The following ERBB4 variants were observed in gnomAD, a reference collection of about 807,000 sequenced individuals.
ERBB4 encodes receptor tyrosine-protein kinase erbB-4.
In ERBB4, 42 loss-of-function variants were observed where a neutral mutation model predicts 158.0. That is an observed-to-expected ratio of 0.27 (90% CI 0.21 to 0.34). ERBB4 has a LOEUF of 0.34. Among genes scored for constraint, ERBB4 ranks in the 10% least tolerant of loss-of-function variants. The probability of loss-of-function intolerance (pLI) is 1.00; values close to 1 mark genes in which losing one functional copy is unlikely to be tolerated. For synonymous variants in ERBB4, 583 were observed against 558.7 expected (o/e 1.04, Z -0.61); for missense variants, 1,333 against 1,624.1 (o/e 0.82, Z 3.08).
chr2:211,616,354 A>G (rs567023231), intron 19 of ERBB4, among the ~76,000 whole-genome samples: 8 of 152,002 alleles, frequency 5.3e-5, no homozygotes, highest in Non-Finnish European at 1.2e-4. Flanking sequence ...TGAGTCCTTC[A>G]CCTCCAAAAT....
intron 3 of ERBB4, among the ~76,000 whole-genome samples, chr2:211,826,835 A>G (rs1229323322): frequency 6.6e-6 from 1 of 152,084 alleles, no homozygotes; most frequent in East Asian, 1.9e-4. Context: ...AAACATTTTA[A>G]TGACATATTT....
intron 25 of ERBB4, among the ~76,000 whole-genome samples, chr2:211,405,202 C>T (rs894314561): frequency 1.3e-5 from 2 of 152,058 alleles, no homozygotes; most frequent in Admixed American, 1.3e-4. Flanking sequence ...CCGTGATATG[C>T]TATGTTGCCA....
chr2:212,464,921 CA>C (rs1688754589), intron 1 of ERBB4, among the ~76,000 whole-genome samples: 1 of 151,786 alleles, frequency 6.6e-6, no homozygotes, highest in Non-Finnish European at 1.5e-5. Flanking sequence ...CACACACACA[CA>C]CACACCCCTT....
At chr2:212,413,233 G>A (rs1255486613) in intron 1 of ERBB4, among the ~76,000 whole-genome samples, 4 of 143,280 alleles carry the variant, frequency 2.8e-5, no homozygotes, top group African/African-American at 2.6e-5. Flanking sequence ...TGATCCGCCC[G>A]ACTCGGCCTC....
intron 1 of ERBB4, among the ~76,000 whole-genome samples, chr2:212,493,718 C>T (rs1349293541): frequency 1.3e-5 from 2 of 151,704 alleles, no homozygotes; most frequent in African/African-American, 4.8e-5. Context: ...TGTGCTAACA[C>T]TCATTAAATT....
rs1445833357 is a variant in ERBB4, at chr2:212,530,948, C to T, written c.82+7501G>A. ...ATGAAATATATTATAAATCTTCAAT[C>T]GGTCTTGAGTCCTTTTAATTTAACT... On this transcript the variant is annotated intron_variant, in intron 1 of 27. Transcript: ENST00000342788. Among the ~76,000 whole-genome samples, 4 of 152,184 alleles carry T rather than the reference C, an allele frequency of 2.6e-5. No homozygotes were observed. In the East Asian group the frequency reaches 7.7e-4, roughly 29 times the overall value.
chr2:211,938,107 C>T (rs2080378763), intron 3 of ERBB4, among the ~76,000 whole-genome samples: 1 of 152,100 alleles, frequency 6.6e-6, no homozygotes, highest in South Asian at 2.1e-4. Context: ...GCCTAATATG[C>T]TTTCAATAAT....
chr2:212,229,696 T>C (rs564317767), intron 1 of ERBB4, among the ~76,000 whole-genome samples: 2 of 152,250 alleles, frequency 1.3e-5, no homozygotes, highest in African/African-American at 2.4e-5. Flanking sequence ...ATCCAGGTGA[T>C]AAATAATGAG....
At chr2:211,627,239 T>C (rs1367254247) in intron 17 of ERBB4, among the ~76,000 whole-genome samples, 3 of 152,218 alleles carry the variant, frequency 2.0e-5, no homozygotes, top group African/African-American at 7.2e-5. Context: ...GAATTCTCTC[T>C]GCCTCCAGCA....
intron 3 of ERBB4, among the ~76,000 whole-genome samples, chr2:211,801,698 A>G (rs2076501489): frequency 6.6e-6 from 1 of 152,198 alleles, no homozygotes; most frequent in South Asian, 2.1e-4. Context: ...AAGAGAAAAT[A>G]TTTTTAGAAG....
At chr2:211,949,428 A>G (rs2080811799) in intron 2 of ERBB4, among the ~76,000 whole-genome samples, 1 of 152,224 alleles carries the variant, frequency 6.6e-6, no homozygotes, top group Non-Finnish European at 1.5e-5. Flanking sequence ...GCATAAATTT[A>G]GATGTGCTGT....
At chr2:211,579,331 C>A (rs1574793609) in intron 19 of ERBB4, among the ~76,000 whole-genome samples, 1 of 152,104 alleles carries the variant, frequency 6.6e-6, no homozygotes, top group Non-Finnish European at 1.5e-5. Context: ...GATATAGGAA[C>A]ACTTTTACAC....
rs187143830 is a variant in ERBB4 at position 212,262,934 on chromosome 2, G to C, written c.83-138031C>G. ...ATGTTCATTTGCAGTTATTTGTATT[G>C]GGTTGAAGATTGTCCCCTCAAATTC... is the stretch of plus-strand genomic sequence containing the variant. On this transcript the variant is annotated intron_variant, in intron 1 of 27. Transcript: ENST00000342788. Among the ~76,000 whole-genome samples the C allele has an allele frequency of 7.2e-5, 11 of 152,164 alleles. No homozygotes were observed. The East Asian group carries it at 1.7e-3, about 24-fold the overall frequency.
intron 5 of ERBB4, among the ~76,000 whole-genome samples, chr2:211,748,210 A>G (rs1008163633): frequency 5.9e-5 from 9 of 152,002 alleles, no homozygotes; most frequent in Admixed American, 5.2e-4. Flanking sequence ...TGTAATCTGT[A>G]AAAATACACA....
intron 3 of ERBB4, among the ~76,000 whole-genome samples, chr2:211,942,307 T>A (rs1232386591): frequency 6.6e-6 from 1 of 151,948 alleles, no homozygotes; most frequent in African/African-American, 2.4e-5. Context: ...AACATTTACA[T>A]GTTGTAGTTT....
At chr2:212,378,758 C>T (rs930605314) in intron 1 of ERBB4, among the ~76,000 whole-genome samples, 1 of 151,842 alleles carries the variant, frequency 6.6e-6, no homozygotes, top group Admixed American at 6.6e-5. Context: ...ACATGGTCTA[C>T]ACCAGATCAA....
intron 1 of ERBB4, among the ~76,000 whole-genome samples, chr2:212,204,590 G>A (rs965235572): frequency 1.3e-5 from 2 of 151,576 alleles, no homozygotes; most frequent in African/African-American, 4.8e-5. Flanking sequence ...CCCGCTACTT[G>A]AGATGGGGAG....
chr2:211,409,839 T>A (rs550593277), intron 25 of ERBB4, among the ~76,000 whole-genome samples: 1 of 152,286 alleles, frequency 6.6e-6, no homozygotes, highest in Non-Finnish European at 1.5e-5. Flanking sequence ...TTTTATATTT[T>A]CCAGTATCAG....
chr2:211,486,926 T>C (rs191781656), intron 20 of ERBB4, among the ~76,000 whole-genome samples: 7 of 152,250 alleles, frequency 4.6e-5, no homozygotes, highest in Non-Finnish European at 8.8e-5. Context: ...GTATAGAATA[T>C]AACAGCTTCA....
Sources: gnomAD v4.1 joint callset for allele counts (sites outside exome capture counted in the v4.1 genomes callset) on GRCh38, gnomAD v4.1.1 for gene constraint, MANE v1.5 for transcripts, NCBI Gene and HGNC (gene_info 2026-07-23, HGNC 2026-07-21) for gene names.